UACA: variants seen among roughly 807,000 people sequenced by gnomAD.
UACA encodes the protein uveal autoantigen with coiled-coil domains and ankyrin repeats.
A neutral mutation model predicts 160.5 loss-of-function variants in UACA; 112 were observed. The ratio of observed to expected loss-of-function variants is 0.70; its 90% confidence interval spans 0.60 to 0.82. UACA has a LOEUF of 0.82. Ranked by LOEUF, UACA falls within the 40% of genes least tolerant of loss-of-function variation. UACA has a pLI of 0.00. For missense variants in UACA, 1,574 were observed against 1,614.6 expected, an observed-to-expected ratio of 0.97 and a Z score of 0.43; for synonymous variants, 557 against 568.4, an observed-to-expected ratio of 0.98 and a Z score of 0.29.
At chr15:70,726,590 A>G (rs2140992446) in intron 1 of UACA, among the ~76,000 whole-genome samples, 1 of 152,330 alleles carries the variant, frequency 6.6e-6, no homozygotes, top group South Asian at 2.1e-4. Context: ...CATCCTGAAA[A>G]GGTTTTAAGA....
At chr15:70,702,032 A>C in intron 1 of UACA, 5 of 1,517,228 alleles carry the variant, frequency 3.3e-6, no homozygotes, top group Non-Finnish European at 3.5e-6. Flanking sequence ...TCAGTCCCTC[A>C]CATGCTGTGC....
the UACA span, among the ~76,000 whole-genome samples, chr15:70,769,338 C>CAAAAAAAAAAAAAAAAAAAAAAAAAAA: frequency 1.3e-5 from 1 of 77,724 alleles, no homozygotes; most frequent in Non-Finnish European, 2.2e-5. Context: ...GACTCCGACT[C>CAAAAAAAAAAAAAAAAAAAAAAAAAAA]AAAAAAAAAA....
rs1048281859 is a variant in UACA at position 70,727,085 on chromosome 15, T to A, written c.79-27425A>T. ...TTTCATTTTAAGTATAAGGCTGTAG[T>A]ATAAGAAGGTTAGAAAAATATGCAG... On this transcript the variant is annotated intron_variant, in intron 1 of 18. Transcript: ENST00000322954. 4.6e-5 allele frequency among the ~76,000 whole-genome samples: 7 copies of A among 152,316 alleles called. No individual in the cohort carries two copies. In the East Asian group the frequency reaches 1.4e-3, roughly 29 times the overall value.
intron 17 of UACA, 88 bp from the exon 18 acceptor site, chr15:70,660,304 T>TATG: frequency 9.5e-7 from 1 of 1,053,274 alleles, no homozygotes; most frequent in South Asian, 1.4e-5. Flanking sequence ...GCTACAAAAC[T>TATG]ATTATTATTA....
At chr15:70,740,347 C>G (rs925395556) in intron 1 of UACA, among the ~76,000 whole-genome samples, 4 of 152,046 alleles carry the variant, frequency 2.6e-5, no homozygotes, top group Admixed American at 6.6e-5. Flanking sequence ...GGCACAGTGG[C>G]TCACACCTGT....
At chr15:70,699,709 G>T (rs1337190158) in intron 1 of UACA, 49 bp from the exon 2 acceptor site, 4 of 1,583,576 alleles carry the variant, frequency 2.5e-6, no homozygotes, top group Non-Finnish European at 3.4e-6. Flanking sequence ...CATTAGTTAA[G>T]ATTTTTCTAA....
intron 1 of UACA, among the ~76,000 whole-genome samples, chr15:70,720,687 A>G (rs1281491985): frequency 6.6e-6 from 1 of 152,246 alleles, no homozygotes; most frequent in East Asian, 1.9e-4. Context: ...AGGAAGAGAT[A>G]AATATATTTT....
At chr15:70,699,718 A>T in intron 1 of UACA, 58 bp from the exon 2 acceptor site, 11 of 1,572,108 alleles carry the variant, frequency 7.0e-6, no homozygotes, top group Non-Finnish European at 9.5e-6. Context: ...AGATTTTTCT[A>T]AAGAAAGAAA....
At chr15:70,713,423 T>A (rs1898743325) in intron 1 of UACA, among the ~76,000 whole-genome samples, 1 of 152,118 alleles carries the variant, frequency 6.6e-6, no homozygotes, top group Admixed American at 6.6e-5. Flanking sequence ...AAGAATGTGA[T>A]CTTGACGGTG....
intron 1 of UACA, among the ~76,000 whole-genome samples, chr15:70,712,176 T>C (rs1190319649): frequency 2.7e-5 from 4 of 150,056 alleles, no homozygotes; most frequent in Non-Finnish European, 5.9e-5. Flanking sequence ...CCAAGTTTCA[T>C]TAACACAGCA....
rs960996972 is a variant in UACA at position 70,763,370 on chromosome 15, A to AC, written c.37dup (p.Val13GlyfsTer21). On this transcript the variant is annotated frameshift_variant, in exon 1 of 19. Coordinates refer to ENST00000322954, the MANE Select transcript of UACA (RefSeq NM_018003.4). LOFTEE classifies it high-confidence loss of function. ...GGCGCCAGACGACGCGGGGCCGGGC[A>AC]CGTCCTGCCTCCTCAGGCGGGACTT... 2.2e-6 allele frequency: 3 copies of AC among 1,335,782 alleles called. No homozygotes were observed. The African/African-American group carries it at 4.6e-5, about 21-fold the overall frequency. The allele number at this position is 1,335,782 out of a possible 1,614,324, so 82.7% of individuals were successfully genotyped here. A position where few individuals can be genotyped will look rare whatever the true frequency, so the allele number is the denominator to read the frequency against.
chr15:70,778,262 G>A, the UACA span, among the ~76,000 whole-genome samples: 1 of 151,950 alleles, frequency 6.6e-6, no homozygotes, highest in African/African-American at 2.4e-5. Context: ...CATGCCCATA[G>A]GCTAACCCAA....
chr15:70,740,328 T>C (rs1314972819), intron 1 of UACA, among the ~76,000 whole-genome samples: 1 of 152,106 alleles, frequency 6.6e-6, no homozygotes, highest in East Asian at 1.9e-4. Context: ...AAAACTTTCT[T>C]TTGGGCCAGG....
intron 1 of UACA, among the ~76,000 whole-genome samples, chr15:70,749,448 C>T (rs2141010042): frequency 6.6e-6 from 1 of 152,078 alleles, no homozygotes; most frequent in African/African-American, 2.4e-5. Flanking sequence ...ATGACGTGAA[C>T]CCGGGAGGTG....
intron 1 of UACA, among the ~76,000 whole-genome samples, chr15:70,736,059 T>C (rs36008057): frequency 0.18 from 28,128 of 152,202 alleles, 4,008 homozygotes; most frequent in African/African-American, 0.4. Flanking sequence ...AATTGATTTT[T>C]GAATTTAATG....
the UACA span, among the ~76,000 whole-genome samples, chr15:70,776,587 C>G: frequency 6.6e-6 from 1 of 152,078 alleles, no homozygotes; most frequent in Non-Finnish European, 1.5e-5. Context: ...GCCACCATGC[C>G]TGGCTAAATT....
chr15:70,710,945 C>A (rs1429785296), intron 1 of UACA, among the ~76,000 whole-genome samples: 2 of 152,202 alleles, frequency 1.3e-5, no homozygotes, highest in Non-Finnish European at 2.9e-5. Context: ...GCCCCTTTCC[C>A]CGCCCCTGAG....
At chr15:70,741,202 C>T (rs1417072872) in intron 1 of UACA, among the ~76,000 whole-genome samples, 1 of 152,148 alleles carries the variant, frequency 6.6e-6, no homozygotes, top group Non-Finnish European at 1.5e-5. Flanking sequence ...CACCTCCAGT[C>T]CAGCAGGAAC....
Position 70,676,523 on chromosome 15 carries a change from C to T in UACA, c.1101G>A (p.Glu367=). Residue 367 remains glutamate (E), a synonymous_variant, in exon 13 of 19, where the codon GAG becomes GAA. Coordinates refer to ENST00000322954, the MANE Select transcript of UACA (RefSeq NM_018003.4). Reference sequence around the variant, plus strand: ...AATATTTAAATCTATTTTTCAGAGCCTCAATAGTCCTTAAGCTTTCTTCAT... The same window carrying T: ...AATATTTAAATCTATTTTTCAGAGCTTCAATAGTCCTTAAGCTTTCTTCAT... The part of the protein sequence containing the change: ...KQHEESLRTI[E]ALKNRFKYFE... 1 of 1,612,352 alleles carries T rather than the reference C, an allele frequency of 6.2e-7. No individual in the cohort carries two copies. Among genetic ancestry groups the T allele is most frequent in the African/African-American group, 1.3e-5 (1 of 74,984 alleles).
Sources: gnomAD v4.1 joint callset for allele counts (sites outside exome capture counted in the v4.1 genomes callset) on GRCh38, gnomAD v4.1.1 for gene constraint, MANE v1.5 for transcripts, NCBI Gene and HGNC (gene_info 2026-07-23, HGNC 2026-07-21) for gene names.